NDUFAF5: variants seen among roughly 807,000 people sequenced by gnomAD.
NDUFAF5 encodes the protein NADH:ubiquinone oxidoreductase complex assembly factor 5, also known as arginine-hydroxylase NDUFAF5, mitochondrial.
Under a neutral mutation model 48.9 loss-of-function variants are expected in NDUFAF5, and 34 were observed. The observed-to-expected ratio is 0.70, with a 90% CI of 0.53 to 0.93. The LOEUF is 0.93. Ranked by LOEUF, NDUFAF5 falls within the 40% of genes least tolerant of loss-of-function variation. The probability of loss-of-function intolerance (pLI) is 0.00; values close to 1 mark genes in which losing one functional copy is unlikely to be tolerated. For synonymous variants in NDUFAF5, 153 were observed against 150.6 expected, an observed-to-expected ratio of 1.02 and a Z score of -0.12; for missense variants, 428 against 427.5, an observed-to-expected ratio of 1.00 and a Z score of -0.01.
intron 7 of NDUFAF5, among the ~76,000 whole-genome samples, chr20:13,802,650 A>T (rs1984353241): frequency 6.8e-6 from 1 of 146,352 alleles, no homozygotes; most frequent in Non-Finnish European, 1.5e-5. Flanking sequence ...AGCCTGGGCA[A>T]CAAGAGTGAA....
chr20:13,808,834 TTAAA>T lies in NDUFAF5; in HGVS notation c.718-5_718-2del. Reference sequence around the variant, plus strand: ...GTCAAATGAATATTTCTTTTTCTTTTTAAATAGGACACTGATGAAATTCAAGTTA... The same window carrying T: ...GTCAAATGAATATTTCTTTTTCTTTTTAGGACACTGATGAAATTCAAGTTA... On this transcript the variant is annotated splice_polypyrimidine_tract_variant and splice_region_variant and intron_variant, in intron 7 of 10. Coordinates refer to ENST00000378106, the MANE Select transcript of NDUFAF5 (RefSeq NM_024120.5). The T allele has an allele frequency of 6.5e-7, 1 of 1,542,830 alleles. No homozygotes were observed. Among genetic ancestry groups the T allele is most frequent in the Non-Finnish European group, 9.0e-7 (1 of 1,115,824 alleles).
At chr20:13,787,259 C>T (rs1981335177) in intron 1 of NDUFAF5, 53 bp from the exon 2 acceptor site, 1 of 1,580,524 alleles carries the variant, frequency 6.3e-7, no homozygotes, top group East Asian at 2.2e-5. Flanking sequence ...TTGTTGAATA[C>T]TGGAAAAAGA....
At position 13,793,207 on chromosome 20, in the gene NDUFAF5, G is replaced by C. The variant is rs776653579; in HGVS notation, c.355G>C (p.Asp119His). 1.2e-6 allele frequency: 2 copies of C among 1,613,862 alleles called. No homozygotes were observed. Among genetic ancestry groups the C allele is most frequent in the East Asian group, 4.5e-5 (2 of 44,838 alleles). The change falls in exon 4 of 11, where the codon GAC (aspartate) becomes CAC (histidine). Residue 119 changes from aspartate (D) to histidine (H), a missense_variant. Physicochemically the swap from Asp to His is moderately conservative, Grantham distance 81 (BLOSUM62 -1). Coordinates refer to ENST00000378106, the MANE Select transcript of NDUFAF5 (RefSeq NM_024120.5). ...KETIGKFFQA[D>H]IAENALKNSS... The stretch of plus-strand genomic sequence containing the variant: ...AACTATTGGAAAGTTTTTCCAAGCT[G>C]ACATTGCAGAAAATGCTTTGGTAGG...
intron 7 of NDUFAF5, among the ~76,000 whole-genome samples, chr20:13,806,440 C>T (rs1272364433): frequency 3.3e-5 from 5 of 152,018 alleles, no homozygotes; most frequent in African/African-American, 1.2e-4. Context: ...ACCTGGGAGG[C>T]GGAGGTTGCA....
At chr20:13,793,152 TG>T (rs1490435487) in intron 3 of NDUFAF5, 27 bp from the exon 4 acceptor site, 1 of 1,613,592 alleles carries the variant, frequency 6.2e-7, no homozygotes, top group Non-Finnish European at 8.5e-7. Context: ...TGGATTTGTT[TG>T]TTTCAGCTTC....
At chr20:13,788,409 A>G (rs901766978) in intron 2 of NDUFAF5, among the ~76,000 whole-genome samples, 180 bp from the exon 3 acceptor site, 3 of 152,226 alleles carry the variant, frequency 2.0e-5, no homozygotes, top group Non-Finnish European at 2.9e-5. Flanking sequence ...TAGCTAGCAG[A>G]CAGACTTGCC....
chr20:13,790,670 C>A, intron 3 of NDUFAF5, among the ~76,000 whole-genome samples: 1 of 152,140 alleles, frequency 6.6e-6, no homozygotes, highest in East Asian at 1.9e-4. Flanking sequence ...ATCTATAAGA[C>A]CCTCAGGATT....
chr20:13,816,376 G>A, intron 8 of NDUFAF5, 87 bp from the exon 9 acceptor site: 2 of 883,612 alleles, frequency 2.3e-6, no homozygotes, highest in Non-Finnish European at 3.9e-6. Context: ...CAGGTATACT[G>A]TTAGATGAGA....
chr20:13,801,405 A>T, intron 6 of NDUFAF5, 81 bp from the exon 7 acceptor site: 1 of 864,300 alleles, frequency 1.2e-6, no homozygotes, highest in African/African-American at 1.7e-5. Flanking sequence ...ATAAAATGTT[A>T]ATTTAGACAC....
chr20:13,785,693 A>C (rs1195236899), intron 1 of NDUFAF5, among the ~76,000 whole-genome samples: 3 of 152,126 alleles, frequency 2.0e-5, no homozygotes, highest in Admixed American at 1.3e-4. Context: ...TGAACACTTG[A>C]AAGGTGACTA....
intron 5 of NDUFAF5, 129 bp downstream of exon 5, chr20:13,795,070 A>C (rs1982978977): frequency 8.7e-6 from 6 of 691,150 alleles, no homozygotes; most frequent in Non-Finnish European, 1.6e-5. Flanking sequence ...AGGCGAGTGA[A>C]TCTCTTGAGG....
rs1343992255 is a variant in NDUFAF5 at position 13,785,136 on chromosome 20, A to C, written c.68A>C (p.Asn23Thr). 6.2e-7 allele frequency: 1 copy of C among 1,613,954 alleles called. No homozygotes were observed. The highest frequency in any genetic ancestry group is 1.1e-5 in the South Asian group (1 of 91,068). The part of the protein sequence containing the change: ...RPWAARVPAE[N>T]LGRREVTSGV... ...TGGGCGGCGAGGGTCCCAGCGGAGA[A>C]TCTTGGCCGTAGGGAAGTCACCTCT... is the stretch of plus-strand genomic sequence containing the variant. The change falls in exon 1 of 11, where the codon AAT becomes ACT. Residue 23 changes from asparagine to threonine, a missense_variant. By Grantham distance (65) the Asn-to-Thr change is moderately conservative. Coordinates refer to ENST00000378106, the MANE Select transcript of NDUFAF5 (RefSeq NM_024120.5).
Position 13,821,498 on chromosome 20 carries a change from G to A in NDUFAF5, c.*4288G>A, listed in dbSNP as rs1429409233. 2.0e-5 allele frequency: 3 copies of A among 152,210 alleles called. No individual in the cohort carries two copies. The highest frequency in any genetic ancestry group is 2.4e-5 in the African/African-American group (1 of 41,442). The allele number at this position is 152,210 out of a possible 1,614,324, so 9.4% of individuals were successfully genotyped here. A position where few individuals can be genotyped will look rare whatever the true frequency, so the allele number is the denominator to read the frequency against. ...ATGCATTGACCACAACCTCATGAGA[G>A]ACCCTGAGCTAGAACCACCTAGCTA... On this transcript the variant is annotated 3_prime_UTR_variant, in exon 11 of 11. Coordinates refer to ENST00000378106, the MANE Select transcript of NDUFAF5 (RefSeq NM_024120.5).
chr20:13,816,599 A>T, intron 9 of NDUFAF5, 53 bp downstream of exon 9: 3 of 1,404,462 alleles, frequency 2.1e-6, no homozygotes, highest in African/African-American at 1.4e-5. Context: ...GTGCTGTATC[A>T]TGTTGATTCC....
At chr20:13,796,126 C>T (rs554970987) in intron 5 of NDUFAF5, among the ~76,000 whole-genome samples, 4 of 152,186 alleles carry the variant, frequency 2.6e-5, no homozygotes, top group East Asian at 3.9e-4. Flanking sequence ...TCAACTCTTT[C>T]GATAGCTGTT....
chr20:13,817,037 T>G, intron 10 of NDUFAF5, 80 bp downstream of exon 10: 1 of 1,535,056 alleles, frequency 6.5e-7, no homozygotes, highest in Non-Finnish European at 9.0e-7. Context: ...GAAGGGGTAA[T>G]GTAAGACAGC....
At position 13,819,736 on chromosome 20, in the gene NDUFAF5, A is replaced by C. The variant is rs1986852740; in HGVS notation, c.*2526A>C. On this transcript the variant is annotated 3_prime_UTR_variant, in exon 11 of 11. Transcript: ENST00000378106. ...AGTTGTCTGTATTGCTTCTTCCCAG[A>C]CTGGTCCCAAGAATGCTGTGGTTGG... 6.6e-6 allele frequency: 1 copy of C among 152,214 alleles called. No homozygotes were observed. The highest frequency in any genetic ancestry group is 2.4e-5 in the African/African-American group (1 of 41,456). The allele number at this position is 152,214 out of a possible 1,614,324, so 9.4% of individuals were successfully genotyped here. A position where few individuals can be genotyped will look rare whatever the true frequency, so the allele number is the denominator to read the frequency against.
Position 13,818,096 on chromosome 20 carries a change from A to G in NDUFAF5, c.*886A>G, listed in dbSNP as rs1355382824. Reference sequence around the variant, plus strand: ...TCTTCAGCCTTCAGTGATCTATAATAGCATTTCCTTCTGTCTCCTCTCAGT... The same window carrying G: ...TCTTCAGCCTTCAGTGATCTATAATGGCATTTCCTTCTGTCTCCTCTCAGT... On this transcript the variant is annotated 3_prime_UTR_variant, in exon 11 of 11. Transcript: ENST00000378106. 2 of 454,120 alleles carry G rather than the reference A, an allele frequency of 4.4e-6. No individual in the cohort carries two copies. Among genetic ancestry groups the G allele is most frequent in the Non-Finnish European group, 8.8e-6 (2 of 226,798 alleles). 28.1% of individuals were successfully genotyped at this position (454,120 alleles called of 1,614,324 possible). A position where few individuals can be genotyped will look rare whatever the true frequency, so the allele number is the denominator to read the frequency against.
chr20:13,808,712 A>G (rs1002401888), intron 7 of NDUFAF5, 130 bp from the exon 8 acceptor site: 3 of 637,018 alleles, frequency 4.7e-6, no homozygotes, highest in African/African-American at 3.7e-5. Context: ...GATGACATCT[A>G]TGAAGAATAT....
Sources: gnomAD v4.1 joint callset for allele counts (sites outside exome capture counted in the v4.1 genomes callset) on GRCh38, gnomAD v4.1.1 for gene constraint, MANE v1.5 for transcripts, NCBI Gene and HGNC (gene_info 2026-07-23, HGNC 2026-07-21) for gene names.